Variants in MXD1 observed in about 807,000 individuals in gnomAD.
MXD1 encodes the protein MAX dimerization protein 1.
A neutral mutation model predicts 25.7 loss-of-function variants in MXD1; 9 were observed. That is an observed-to-expected ratio of 0.35 (90% confidence interval 0.21 to 0.61). The LOEUF (loss-of-function observed/expected upper bound fraction) is 0.61, where lower values mean the gene tolerates loss of function less well. Among genes scored for constraint, MXD1 ranks in the 20% least tolerant of loss-of-function variants. MXD1 has a pLI of 0.75. For missense variants in MXD1, 227 were observed against 292.4 expected, an observed-to-expected ratio of 0.78 and a Z score of 1.63; for synonymous variants, 99 against 113.9, an observed-to-expected ratio of 0.87 and a Z score of 0.83.
In MXD1 at chr2:69,938,707, G is replaced by A. The variant is rs1257027570; in HGVS notation, c.*423G>A. Reference sequence around the variant, plus strand: ...AGGAAACTGAAGGAAACAAACTTTTGAAATTGAGATCCTGATCTCAGAACT... The same window carrying A: ...AGGAAACTGAAGGAAACAAACTTTTAAAATTGAGATCCTGATCTCAGAACT... On this transcript the variant is annotated 3_prime_UTR_variant, in exon 6 of 6. Coordinates refer to ENST00000264444, the MANE Select transcript of MXD1 (RefSeq NM_002357.4). 6.4e-6 allele frequency: 1 copy of A among 156,286 alleles called. No individual in the cohort carries two copies. Among genetic ancestry groups the A allele is most frequent in the East Asian group, 1.9e-4 (1 of 5,272 alleles). 9.7% of individuals were successfully genotyped at this position (156,286 alleles called of 1,614,324 possible). A position where few individuals can be genotyped will look rare whatever the true frequency, so the allele number is the denominator to read the frequency against.
chr2:69,915,149 C>A lies in MXD1; in HGVS notation c.-182C>A, dbSNP rs1385799233. ...CTGTCACTGTGTCGGCGGTGCCCAGCTCACTGGCCCCCTCCCTCTCTTGTC... is the reference window on the plus strand; with the variant it reads ...CTGTCACTGTGTCGGCGGTGCCCAGATCACTGGCCCCCTCCCTCTCTTGTC... On this transcript the variant is annotated 5_prime_UTR_variant, in exon 1 of 6. Coordinates refer to ENST00000264444, the MANE Select transcript of MXD1 (RefSeq NM_002357.4). The surrounding 1 kb of genome is among the most constrained non-coding windows in gnomAD (Gnocchi z 5.8). 1 of 443,066 alleles carries A rather than the reference C, an allele frequency of 2.3e-6. No homozygotes were observed. 27.4% of individuals were successfully genotyped at this position (443,066 alleles called of 1,614,324 possible). A position where few individuals can be genotyped will look rare whatever the true frequency, so the allele number is the denominator to read the frequency against.
intron 3 of MXD1, among the ~76,000 whole-genome samples, chr2:69,922,382 C>T (rs1185417097): frequency 6.6e-6 from 1 of 152,202 alleles, no homozygotes; most frequent in Non-Finnish European, 1.5e-5. Flanking sequence ...TTTTCCAAAT[C>T]AAGTTGCCCC....
At chr2:69,922,152 A>G (rs1481451086) in intron 3 of MXD1, among the ~76,000 whole-genome samples, 1 of 152,244 alleles carries the variant, frequency 6.6e-6, no homozygotes, top group Non-Finnish European at 1.5e-5. Context: ...ATATACATGT[A>G]AGTATATATT....
chr2:69,915,536 G>A lies in MXD1; in HGVS notation c.73+133G>A, dbSNP rs1676945445. On this transcript the variant is annotated intron_variant, in intron 1 of 5. Coordinates refer to ENST00000264444, the MANE Select transcript of MXD1 (RefSeq NM_002357.4). The surrounding 1 kb of genome is among the most constrained non-coding windows in gnomAD (Gnocchi z 5.8). ...ACCGCGAGCGCTCCCAACCCCTCTGGCTCTCCCCACGCGCGGTCCGAAGGG... is the reference window on the plus strand; with the variant it reads ...ACCGCGAGCGCTCCCAACCCCTCTGACTCTCCCCACGCGCGGTCCGAAGGG... The A allele has an allele frequency of 3.1e-6, 2 of 644,298 alleles. No homozygotes were observed. Among genetic ancestry groups the A allele is most frequent in the Non-Finnish European group, 4.5e-6 (2 of 440,854 alleles). The allele number at this position is 644,298 out of a possible 1,614,324, so 39.9% of individuals were successfully genotyped here.
intron 3 of MXD1, among the ~76,000 whole-genome samples, chr2:69,931,016 C>T (rs1677268988): frequency 6.6e-6 from 1 of 152,182 alleles, no homozygotes; most frequent in Non-Finnish European, 1.5e-5. Flanking sequence ...CAAACATTTA[C>T]TCTTTTTTAA....
At chr2:69,920,641 C>A (rs1367224694) in intron 2 of MXD1, among the ~76,000 whole-genome samples, 1 of 152,050 alleles carries the variant, frequency 6.6e-6, no homozygotes, top group Non-Finnish European at 1.5e-5. Flanking sequence ...TTTCCTAAGC[C>A]CAGTAAGGTG....
At chr2:69,932,637 G>C (rs537571247) in intron 3 of MXD1, among the ~76,000 whole-genome samples, 1 of 152,312 alleles carries the variant, frequency 6.6e-6, no homozygotes, top group South Asian at 2.1e-4. Flanking sequence ...CTAGTTTCAC[G>C]ACTAGGAGTG....
chr2:69,936,458 CTTGAGAGCCACAGCCAAAATCCCTGT>C (rs1000948573), intron 4 of MXD1, among the ~76,000 whole-genome samples: 1 of 152,166 alleles, frequency 6.6e-6, no homozygotes, highest in African/African-American at 2.4e-5. Flanking sequence ...GATTCAAAGT[CTTGAGAGCCACAGCCAAAATCCCTGT>C]TTAGCATGTT....
chr2:69,919,489 C>T (rs923932204), intron 2 of MXD1, among the ~76,000 whole-genome samples: 1 of 151,320 alleles, frequency 6.6e-6, no homozygotes, highest in Non-Finnish European at 1.5e-5. Flanking sequence ...GGATTACAGG[C>T]GTATGTGACC....
In MXD1 at chr2:69,915,405, TGCACGG is replaced by T; in HGVS notation, c.73+4_73+9del. ...ACTATCTGGAGCGGCGGGAGAGAGG[TGCACGG>T]GGACGGGGAGGGGTCCACTCGAAAC... On this transcript the variant is annotated splice_donor_5th_base_variant and intron_variant, in intron 1 of 5. Coordinates refer to ENST00000264444, the MANE Select transcript of MXD1 (RefSeq NM_002357.4). This position sits in a 1 kb window ranked among gnomAD's most constrained non-coding sequence, Gnocchi z 5.8. 1 of 1,271,258 alleles carries T rather than the reference TGCACGG, an allele frequency of 7.9e-7. No homozygotes were observed. The highest frequency in any genetic ancestry group is 1.0e-6 in the Non-Finnish European group (1 of 999,536). 78.7% of individuals were successfully genotyped at this position (1,271,258 alleles called of 1,614,324 possible).
In MXD1 at chr2:69,938,457, G is replaced by A; in HGVS notation, c.*173G>A. ...TGCTTAGGATTGTGGGTTTCTGATT[G>A]CATCCACTAGCTTCTCTTTTTCTCG... On this transcript the variant is annotated 3_prime_UTR_variant, in exon 6 of 6. Transcript: ENST00000264444. 2 of 606,996 alleles carry A rather than the reference G, an allele frequency of 3.3e-6. No individual in the cohort carries two copies. The highest frequency in any genetic ancestry group is 2.9e-6 in the Non-Finnish European group (1 of 349,086). 37.6% of individuals were successfully genotyped at this position (606,996 alleles called of 1,614,324 possible).
Position 69,935,391 on chromosome 2 carries a change from C to T in MXD1, c.244C>T (p.Leu82=). ...CTTGTGCCTGGAGAAGTTGAAGGGG[C>T]TGGTGCCACTTGGACCCGAATCAAG... The part of the protein sequence containing the change: ...LRLCLEKLKG[L]VPLGPESSRH... Residue 82 remains leucine, a synonymous_variant, in exon 4 of 6, where the codon CTG becomes TTG. Coordinates refer to ENST00000264444, the MANE Select transcript of MXD1 (RefSeq NM_002357.4). 1.2e-6 allele frequency: 2 copies of T among 1,614,110 alleles called. No individual in the cohort carries two copies. Among genetic ancestry groups the T allele is most frequent in the South Asian group, 1.1e-5 (1 of 91,074 alleles).
At chr2:69,928,005 G>C (rs1337256904) in intron 3 of MXD1, among the ~76,000 whole-genome samples, 3 of 147,936 alleles carry the variant, frequency 2.0e-5, no homozygotes, top group Non-Finnish European at 4.5e-5. Context: ...TTTTTTTTCT[G>C]TTTAACCCAG....
chr2:69,918,318 A>AC (rs1433916507), intron 2 of MXD1, among the ~76,000 whole-genome samples: 1 of 152,012 alleles, frequency 6.6e-6, no homozygotes, highest in Non-Finnish European at 1.5e-5. Context: ...ATAAAAGATA[A>AC]GATTTTGCCA....
intron 3 of MXD1, among the ~76,000 whole-genome samples, chr2:69,930,235 A>G (rs1020347550): frequency 6.6e-6 from 1 of 152,188 alleles, no homozygotes; most frequent in Non-Finnish European, 1.5e-5. Flanking sequence ...TTTGCTCCTC[A>G]ATATGTTATA....
intron 3 of MXD1, among the ~76,000 whole-genome samples, chr2:69,923,748 A>C (rs1344335603): frequency 6.6e-6 from 1 of 152,136 alleles, no homozygotes; most frequent in East Asian, 1.9e-4. Context: ...AGAAACTCAA[A>C]AGTATCTCTT....
intron 4 of MXD1, among the ~76,000 whole-genome samples, chr2:69,935,817 C>T (rs1204036249): frequency 1.3e-5 from 2 of 152,202 alleles, no homozygotes; most frequent in Non-Finnish European, 2.9e-5. Context: ...ATAAAATCCT[C>T]AGAGGTCTCC....
At chr2:69,924,741 C>T (rs1229068106) in intron 3 of MXD1, among the ~76,000 whole-genome samples, 2 of 104,178 alleles carry the variant, frequency 1.9e-5, no homozygotes, top group African/African-American at 6.2e-5. Context: ...AAAAGATTGC[C>T]ATGGCTCTCA....
At chr2:69,925,534 A>G (rs766563864) in intron 3 of MXD1, among the ~76,000 whole-genome samples, 2 of 152,150 alleles carry the variant, frequency 1.3e-5, no homozygotes, top group African/African-American at 4.8e-5. Flanking sequence ...TTCTATATCC[A>G]TCTAGACTTT....
Sources: allele counts gnomAD v4.1 joint callset (sites outside exome capture counted in the v4.1 genomes callset), GRCh38; gene constraint gnomAD v4.1.1; non-coding constraint Gnocchi (gnomAD v3.1); transcripts MANE v1.5; gene names NCBI Gene and HGNC (gene_info 2026-07-23, HGNC 2026-07-21).